The following ZAN variants were observed in gnomAD, a reference collection of about 807,000 sequenced individuals.
ZAN encodes zonadhesin (gene/pseudogene).
ZAN carries 260 observed loss-of-function variants against 286.2 expected under a neutral mutation model. That is an observed-to-expected ratio of 0.91 (90% CI 0.82 to 1.01). The LOEUF is 1.01. Among genes scored for constraint, ZAN ranks in the 50% least tolerant of loss-of-function variants. The probability of loss-of-function intolerance (pLI) is 0.00; values close to 1 mark genes in which losing one functional copy is unlikely to be tolerated. For synonymous variants in ZAN, 1,368 were observed against 1,417.5 expected, an observed-to-expected ratio of 0.97 and a Z score of 0.79; for missense variants, 3,410 against 3,639.2, an observed-to-expected ratio of 0.94 and a Z score of 1.62.
In ZAN at chr7:100,753,100, G is replaced by T. The variant is rs532599389; in HGVS notation, c.2995G>T (p.Ala999Ser). ...KPTIPTEKLT[A>S]LRPPHPSPTA... is the part of the protein sequence containing the mutation. Reference sequence around the variant, plus strand: ...CACCATTCCCACAGAGAAGCTCACAGCCCTGAGGCCACCCCATCCCAGCCC... The same window carrying T: ...CACCATTCCCACAGAGAAGCTCACATCCCTGAGGCCACCCCATCCCAGCCC... The change falls in exon 14 of 48, where the codon GCC (alanine) becomes TCC (serine). Residue 999 changes from alanine (A) to serine (S), a missense_variant. Transcript: ENST00000613979. 3.0e-5 allele frequency: 48 copies of T among 1,613,854 alleles called. No homozygotes were observed. The East Asian group carries it at 9.6e-4, about 32-fold the overall frequency.
At position 100,791,162 on chromosome 7, in the gene ZAN, G is replaced by A. The variant is rs760799520; in HGVS notation, c.7529+49G>A. ...GCGGGGGAGGTGAACAACAATGTCT[G>A]TGCACGGTGGCCGCTAGCCCTCCTG... is the stretch of plus-strand genomic sequence containing the variant. On this transcript the variant is annotated intron_variant, in intron 40 of 47. Transcript: ENST00000613979. 1.9e-5 allele frequency: 30 copies of A among 1,574,170 alleles called. No individual in the cohort carries two copies. The East Asian group carries it at 6.4e-4, about 34-fold the overall frequency.
At position 100,773,738 on chromosome 7, in the gene ZAN, C is replaced by A. The variant is rs1156264503; in HGVS notation, c.5652C>A (p.Tyr1884Ter). The change falls in exon 31 of 48, where the codon TAC (tyrosine) becomes TAA (stop). Residue 1884 changes from tyrosine (Y) to a stop codon, truncating the protein, a stop_gained. Transcript: ENST00000613979. LOFTEE classifies it high-confidence loss of function. Reference protein sequence around the residue: ...GSYHPVGERWYTENTCTRLCT... With the variant: ...GSYHPVGERW ...GCCCACAGGTCGGGGAGCGCTGGTACACAGAGAACACCTGCACCAGGCTCT... is the reference window on the plus strand; with the variant it reads ...GCCCACAGGTCGGGGAGCGCTGGTAAACAGAGAACACCTGCACCAGGCTCT... 1.9e-6 allele frequency: 3 copies of A among 1,610,720 alleles called. No individual in the cohort carries two copies. The East Asian group carries it at 6.7e-5, about 36-fold the overall frequency.
chr7:100,750,488 C>T, intron 11 of ZAN, 137 bp from the exon 12 acceptor site: 1 of 1,088,574 alleles, frequency 9.2e-7, no homozygotes, highest in Non-Finnish European at 1.3e-6. Context: ...CTAAAATGAG[C>T]AGAAAAAATA....
rs776515794 is a variant in ZAN, at chr7:100,753,009, A to C, written c.2904A>C (p.Lys968Asn). The C allele has an allele frequency of 1.9e-6, 3 of 1,608,740 alleles. No individual in the cohort carries two copies. The highest frequency in any genetic ancestry group is 8.5e-7 in the Non-Finnish European group (1 of 1,177,466). ...AAAAACCCACCATCTCCACGGAAAA[A>C]CCCACCATCCCCACGGAAAAACTTA... ...PTEKPTISTE[K>N]PTIPTEKLTI... The change falls in exon 14 of 48, where the codon AAA becomes AAC. Residue 968 changes from lysine to asparagine, a missense_variant. Around this residue, in one of 7 missense-constraint regions of ZAN, gnomAD observed 1,042 missense variants for 1,058.0 expected, o/e 0.98. Transcript: ENST00000613979.
intron 27 of ZAN, among the ~76,000 whole-genome samples, 183 bp downstream of exon 27, chr7:100,768,904 G>A (rs112620299): frequency 2.7e-4 from 41 of 152,234 alleles, no homozygotes; most frequent in African/African-American, 9.9e-4. Flanking sequence ...AAGCTGTTCT[G>A]ACTTCCCACG....
At position 100,733,981 on chromosome 7, in the gene ZAN, T is replaced by C. The variant is rs1159644070; in HGVS notation, c.-142-46T>C. On this transcript the variant is annotated intron_variant, in intron 1 of 47. Coordinates refer to ENST00000613979, the MANE Select transcript of ZAN (RefSeq NM_003386.3). ...TTCCCTCGATTTCAATCTACGATGC[T>C]TCTACTGGATGGTAACTTTCAACTC... 4 of 434,556 alleles carry C rather than the reference T, an allele frequency of 9.2e-6. 1 individual carries two copies. The East Asian group carries it at 1.5e-4, about 16-fold the overall frequency. 26.9% of individuals were successfully genotyped at this position (434,556 alleles called of 1,614,324 possible).
chr7:100,784,554 T>C, intron 35 of ZAN, 69 bp from the exon 36 acceptor site: 1 of 1,529,824 alleles, frequency 6.5e-7, no homozygotes, highest in African/African-American at 1.4e-5. Context: ...TAGCTTGGTT[T>C]GTACAGCCCC....
At chr7:100,786,272 T>A in intron 37 of ZAN, 131 bp downstream of exon 37, 1 of 1,377,630 alleles carries the variant, frequency 7.3e-7, no homozygotes, top group Non-Finnish European at 9.9e-7. Flanking sequence ...GGCGACTGGA[T>A]CAGGAGGCCT....
Position 100,750,763 on chromosome 7 carries a change from C to G in ZAN, c.1388C>G (p.Thr463Ser). 1 of 1,613,186 alleles carries G rather than the reference C, an allele frequency of 6.2e-7. No individual in the cohort carries two copies. Among genetic ancestry groups the G allele is most frequent in the Non-Finnish European group, 8.5e-7 (1 of 1,179,602 alleles). ...AYHMYGLGEG[T>S]MLELLLGSPA... ...CACATGTATGGCCTTGGGGAGGGTA[C>G]TATGCTCGAACTCCTCCTGGGAAGT... The change falls in exon 12 of 48, where the codon ACT (threonine) becomes AGT (serine). Residue 463 changes from threonine to serine, a missense_variant. Thr to Ser is a moderately conservative substitution (Grantham distance 58). Transcript: ENST00000613979.
rs750040768 is a variant in ZAN, at chr7:100,767,975, C to T, written c.5005C>T (p.Pro1669Ser). ...DGSHLVEVTV[P>S]SSYGGQLCGL... ...GAGCCACTTGGTGGAAGTGACAGTC[C>T]CCTCCTCCTATGGCGGCCAGCTCTG... The change falls in exon 26 of 48, where the codon CCC becomes TCC. Residue 1669 changes from proline to serine, a missense_variant. Transcript: ENST00000613979. 1.9e-6 allele frequency: 3 copies of T among 1,613,776 alleles called. No homozygotes were observed. The highest frequency in any genetic ancestry group is 2.2e-5 in the South Asian group (2 of 91,058).
intron 27 of ZAN, 79 bp downstream of exon 27, chr7:100,768,800 C>A: frequency 1.7e-6 from 2 of 1,192,922 alleles, no homozygotes; most frequent in South Asian, 1.5e-5. Context: ...GAAGTGTCCT[C>A]TGTGTGTCCC....
At chr7:100,767,574 C>T (rs987105434) in intron 25 of ZAN, among the ~76,000 whole-genome samples, 1 of 148,000 alleles carries the variant, frequency 6.8e-6, no homozygotes, top group Non-Finnish European at 1.5e-5. Flanking sequence ...CCCCTGGGCT[C>T]AAGTGATCCT....
chr7:100,797,482 A>T lies in ZAN; in HGVS notation c.8366+17A>T. The T allele has an allele frequency of 1.2e-6, 2 of 1,613,274 alleles. No individual in the cohort carries two copies. The highest frequency in any genetic ancestry group is 1.7e-6 in the Non-Finnish European group (2 of 1,179,472). On this transcript the variant is annotated intron_variant, in intron 46 of 47. Coordinates refer to ENST00000613979, the MANE Select transcript of ZAN (RefSeq NM_003386.3). Reference sequence around the variant, plus strand: ...GAGGAAGAGGTGAGTCCTGGGAAGGAGAGAGGAAGGGCGGGTGGGGTGTGC... The same window carrying T: ...GAGGAAGAGGTGAGTCCTGGGAAGGTGAGAGGAAGGGCGGGTGGGGTGTGC...
intron 25 of ZAN, 93 bp from the exon 26 acceptor site, chr7:100,767,738 A>T (rs745360832): frequency 7.0e-7 from 1 of 1,429,608 alleles, no homozygotes; most frequent in East Asian, 2.4e-5. Context: ...TCGGCCTCCC[A>T]AAGTGCTGGG....
rs775879222 is a variant in ZAN at position 100,734,149 on chromosome 7, A to G, written c.-20A>G. 1.3e-4 allele frequency: 182 copies of G among 1,443,302 alleles called. 34 individuals are homozygous for G. The highest frequency in any genetic ancestry group is 1.6e-4 in the Non-Finnish European group (169 of 1,060,344). The allele number at this position is 1,443,302 out of a possible 1,614,324, so 89.4% of individuals were successfully genotyped here. A position where few individuals can be genotyped will look rare whatever the true frequency, so the allele number is the denominator to read the frequency against. On this transcript the variant is annotated 5_prime_UTR_variant, in exon 2 of 48. Coordinates refer to ENST00000613979, the MANE Select transcript of ZAN (RefSeq NM_003386.3). ...CTGTGCCCTTCCCCTCTCCCCTGGGAGCAACCACTTAGGGTCCTCATGGTT... is the reference window on the plus strand; with the variant it reads ...CTGTGCCCTTCCCCTCTCCCCTGGGGGCAACCACTTAGGGTCCTCATGGTT...
At chr7:100,772,287 C>T (rs182418897) in intron 29 of ZAN, among the ~76,000 whole-genome samples, 1 of 150,334 alleles carries the variant, frequency 6.7e-6, no homozygotes, top group South Asian at 2.1e-4. Context: ...CAAAACTTGG[C>T]CAGGTGTGGT....
At chr7:100,759,638 T>TAAAAAAC in intron 17 of ZAN, 83 bp from the exon 18 acceptor site, 2 of 1,348,430 alleles carry the variant, frequency 1.5e-6, no homozygotes, top group Admixed American at 3.0e-5. Flanking sequence ...CATCTCTCCC[T>TAAAAAAC]GCGGCGCCAG....
chr7:100,749,465 C>T (rs906316014), intron 11 of ZAN, among the ~76,000 whole-genome samples: 1 of 149,854 alleles, frequency 6.7e-6, no homozygotes, highest in Non-Finnish European at 1.5e-5. Context: ...ACGGTGAAAC[C>T]CCGTCCCTAC....
intron 28 of ZAN, among the ~76,000 whole-genome samples, chr7:100,771,426 GTTTT>G (rs922324238): frequency 6.9e-6 from 1 of 145,768 alleles, no homozygotes; most frequent in Non-Finnish European, 1.5e-5. Context: ...AATCCAGGAG[GTTTT>G]TTTTTTGTTT....
Sources: gnomAD v4.1 joint callset for allele counts (sites outside exome capture counted in the v4.1 genomes callset) on GRCh38, gnomAD v4.1.1 for gene constraint, gnomAD v4.1.1 regional missense constraint, MANE v1.5 for transcripts, NCBI Gene and HGNC (gene_info 2026-07-23, HGNC 2026-07-21) for gene names.